Variants in ALG11 observed in about 807,000 individuals in gnomAD.
ALG11 encodes the protein ALG11 alpha-1,2-mannosyltransferase.
ALG11 carries 26 observed loss-of-function variants against 38.8 expected under a neutral mutation model. The ratio of observed to expected loss-of-function variants is 0.67; its 90% CI spans 0.49 to 0.93. The LOEUF is 0.93. ALG11 is among the 40% of genes least tolerant of loss of function. The pLI is 0.00. For missense variants in ALG11, 535 were observed against 578.8 expected, an observed-to-expected ratio of 0.92 and a Z score of 0.78; for synonymous variants, 199 against 211.6, an observed-to-expected ratio of 0.94 and a Z score of 0.52.
At chr13:52,016,423 A>C (rs966553782) in intron 1 of ALG11, 1 of 152,248 alleles carries the variant, frequency 6.6e-6, no homozygotes, top group Non-Finnish European at 1.5e-5. Flanking sequence ...GTCTCCAGGC[A>C]ATGTCGGAGA....
Position 52,031,032 on chromosome 13 carries a change from G to A in ALG11, c.*2442G>A, listed in dbSNP as rs1254069784. ...GATGTGGGCTACCAGTCTTCCTCAA[G>A]GTCAGACCTGCCTGTCATACAGAGG... On this transcript the variant is annotated 3_prime_UTR_variant, in exon 4 of 4. Coordinates refer to ENST00000521508, the MANE Select transcript of ALG11 (RefSeq NM_001004127.3). 1.2e-6 allele frequency: 2 copies of A among 1,614,140 alleles called. No individual in the cohort carries two copies. The highest frequency in any genetic ancestry group is 1.7e-5 in the Admixed American group (1 of 60,020).
chr13:52,014,084 A>G (rs1954114747), intron 1 of ALG11, among the ~76,000 whole-genome samples: 1 of 152,220 alleles, frequency 6.6e-6, no homozygotes, highest in Admixed American at 6.5e-5. Context: ...AAAGTTAAAT[A>G]TATTTTAAAC....
Position 52,028,751 on chromosome 13 carries a change from T to C in ALG11, c.*161T>C. 3.1e-6 allele frequency: 5 copies of C among 1,612,500 alleles called. No homozygotes were observed. The highest frequency in any genetic ancestry group is 4.2e-6 in the Non-Finnish European group (5 of 1,178,742). On this transcript the variant is annotated 3_prime_UTR_variant, in exon 4 of 4. Coordinates refer to ENST00000521508, the MANE Select transcript of ALG11 (RefSeq NM_001004127.3). ...AAGGAAGTGTTGAAAAGAAAATGGA[T>C]GACTAGCCTTCGGCTTCCATTCTTG... is the stretch of plus-strand genomic sequence containing the variant.
At chr13:52,014,484 T>C (rs543363996) in intron 1 of ALG11, among the ~76,000 whole-genome samples, 1 of 152,340 alleles carries the variant, frequency 6.6e-6, no homozygotes, top group African/African-American at 2.4e-5. Flanking sequence ...GGGGTGATTT[T>C]TGCCCTTCGC....
chr13:52,029,003 A>G lies in ALG11; in HGVS notation c.*413A>G. 6.2e-7 allele frequency: 1 copy of G among 1,614,270 alleles called. No homozygotes were observed. Among genetic ancestry groups the G allele is most frequent in the Admixed American group, 1.7e-5 (1 of 60,034 alleles). ...GAAATTGGCTGAGAGGTCTGAGGCT[A>G]GTCTGAAAGTGTCAGAGTTCAGTGT... is the stretch of plus-strand genomic sequence containing the variant. On this transcript the variant is annotated 3_prime_UTR_variant, in exon 4 of 4. Coordinates refer to ENST00000521508, the MANE Select transcript of ALG11 (RefSeq NM_001004127.3).
intron 1 of ALG11, among the ~76,000 whole-genome samples, chr13:52,018,625 T>C (rs1954155601): frequency 6.6e-6 from 1 of 152,196 alleles, no homozygotes; most frequent in Admixed American, 6.5e-5. Context: ...ATAACATATA[T>C]ACTAAGTCAG....
Position 52,028,654 on chromosome 13 carries a change from T to G in ALG11, c.*64T>G. ...GGTTAAACACCTTCATATGTAAATA[T>G]TTTTCTAAATTCAATCTCATTTGTC... On this transcript the variant is annotated 3_prime_UTR_variant, in exon 4 of 4. Transcript: ENST00000521508. 4 of 1,562,584 alleles carry G rather than the reference T, an allele frequency of 2.6e-6. No individual in the cohort carries two copies. In the South Asian group the frequency reaches 4.5e-5, roughly 18 times the overall value.
chr13:52,021,786 G>GTCGGGCA (rs1206920165), intron 2 of ALG11: 1 of 152,390 alleles, frequency 6.6e-6, no homozygotes, highest in Non-Finnish European at 1.5e-5. Flanking sequence ...GCTGGGGGCT[G>GTCGGGCA]TCGGGCATCT....
At position 52,028,978 on chromosome 13, in the gene ALG11, GA is replaced by G; in HGVS notation, c.*391del. The G allele has an allele frequency of 6.2e-7, 1 of 1,614,258 alleles. No individual in the cohort carries two copies. Among genetic ancestry groups the G allele is most frequent in the Non-Finnish European group, 8.5e-7 (1 of 1,180,046 alleles). The stretch of plus-strand genomic sequence containing the variant: ...TTTCCCTTGATGGAAAGAATAGGCG[GA>G]AATTGGCTGAGAGGTCTGAGGCTAG... On this transcript the variant is annotated 3_prime_UTR_variant, in exon 4 of 4. Coordinates refer to ENST00000521508, the MANE Select transcript of ALG11 (RefSeq NM_001004127.3).
chr13:52,020,015 T>A, intron 2 of ALG11, among the ~76,000 whole-genome samples: 1 of 152,126 alleles, frequency 6.6e-6, no homozygotes, highest in East Asian at 1.9e-4. Flanking sequence ...GAATAACTGG[T>A]CCCCTTGGGA....
intron 3 of ALG11, among the ~76,000 whole-genome samples, chr13:52,026,293 C>T (rs1593904500): frequency 6.6e-6 from 1 of 152,254 alleles, no homozygotes; most frequent in Non-Finnish European, 1.5e-5. Context: ...ACAGGAGTGA[C>T]AACAGATGCA....
Position 52,017,867 on chromosome 13 carries a change from G to T in ALG11, c.45-1046G>T, listed in dbSNP as rs1338195043. 2.0e-5 allele frequency among the ~76,000 whole-genome samples: 3 copies of T among 152,104 alleles called. No individual in the cohort carries two copies. The East Asian group carries it at 5.8e-4, about 29-fold the overall frequency. On this transcript the variant is annotated intron_variant, in intron 1 of 3. Transcript: ENST00000521508. ...ATGTAAATACAGCCTGCATACCTGT[G>T]TCCATCATCAACCACCATCCCAACA...
chr13:52,023,750 T>C (rs1196328655), intron 2 of ALG11: 2 of 228,830 alleles, frequency 8.7e-6, no homozygotes, highest in African/African-American at 2.2e-5. Flanking sequence ...AGGAGTGCAG[T>C]GATGCAGTCT....
Position 52,032,035 on chromosome 13 carries a change from CATG to C in ALG11, c.*3446_*3448del, listed in dbSNP as rs1954311376. ...CAGCAGTTGAGACCAGCCTGAACAA[CATG>C]GTGAAACCCTGTCTGTACTAAAAAT... is the stretch of plus-strand genomic sequence containing the variant. On this transcript the variant is annotated 3_prime_UTR_variant, in exon 4 of 4. Coordinates refer to ENST00000521508, the MANE Select transcript of ALG11 (RefSeq NM_001004127.3). The C allele has an allele frequency of 6.4e-6, 1 of 155,642 alleles. No homozygotes were observed. Among genetic ancestry groups the C allele is most frequent in the Non-Finnish European group, 1.5e-5 (1 of 68,062 alleles). The allele number at this position is 155,642 out of a possible 1,614,324, so 9.6% of individuals were successfully genotyped here.
At position 52,033,014 on chromosome 13, in the gene ALG11, T is replaced by G. The variant is rs1954320195; in HGVS notation, c.*4424T>G. 6.0e-6 allele frequency: 1 copy of G among 167,092 alleles called. No homozygotes were observed. Among genetic ancestry groups the G allele is most frequent in the Non-Finnish European group, 1.5e-5 (1 of 68,118 alleles). 10.4% of individuals were successfully genotyped at this position (167,092 alleles called of 1,614,324 possible). A position where few individuals can be genotyped will look rare whatever the true frequency, so the allele number is the denominator to read the frequency against. ...GAGGATGTAGTGAAGGAAGAAAAAG[T>G]TTTCTGGAATTCCGTAAATTATATT... On this transcript the variant is annotated 3_prime_UTR_variant, in exon 4 of 4. Transcript: ENST00000521508.
At chr13:52,012,893 A>G (rs903580751) in intron 1 of ALG11, among the ~76,000 whole-genome samples, 2 of 152,198 alleles carry the variant, frequency 1.3e-5, no homozygotes, top group East Asian at 3.8e-4. Flanking sequence ...TAAACTCACC[A>G]AAACTGCCAT....
chr13:52,029,029 C>A lies in ALG11; in HGVS notation c.*439C>A. On this transcript the variant is annotated 3_prime_UTR_variant, in exon 4 of 4. Transcript: ENST00000521508. The stretch of plus-strand genomic sequence containing the variant: ...GTCTGAAAGTGTCAGAGTTCAGTGT[C>A]AGTTCTGAAGGATCAGGAGAAAAGC... 2 of 1,614,246 alleles carry A rather than the reference C, an allele frequency of 1.2e-6. No individual in the cohort carries two copies. The highest frequency in any genetic ancestry group is 1.7e-6 in the Non-Finnish European group (2 of 1,180,050).
rs41292796 is a variant in ALG11 at position 52,030,197 on chromosome 13, T to C, written c.*1607T>C. 7.1e-4 allele frequency: 1,140 copies of C among 1,613,828 alleles called. No individual in the cohort carries two copies. The highest frequency in any genetic ancestry group is 9.0e-4 in the Non-Finnish European group (1,064 of 1,180,002). On this transcript the variant is annotated 3_prime_UTR_variant, in exon 4 of 4. Coordinates refer to ENST00000521508, the MANE Select transcript of ALG11 (RefSeq NM_001004127.3). ...CGAATTGAGGGCACTATCTCAGAAATTGAAGGAAAAACATCAGTCCAGGAA... is the reference window on the plus strand; with the variant it reads ...CGAATTGAGGGCACTATCTCAGAAACTGAAGGAAAAACATCAGTCCAGGAA...
Position 52,030,188 on chromosome 13 carries a change from T to A in ALG11, c.*1598T>A. ...GGTGCTGTCCGAATTGAGGGCACTATCTCAGAAATTGAAGGAAAAACATCA... is the reference window on the plus strand; with the variant it reads ...GGTGCTGTCCGAATTGAGGGCACTAACTCAGAAATTGAAGGAAAAACATCA... On this transcript the variant is annotated 3_prime_UTR_variant, in exon 4 of 4. Transcript: ENST00000521508. 6.2e-7 allele frequency: 1 copy of A among 1,614,124 alleles called. No homozygotes were observed. The highest frequency in any genetic ancestry group is 8.5e-7 in the Non-Finnish European group (1 of 1,180,032).
Sources: gnomAD v4.1 joint callset for allele counts (sites outside exome capture counted in the v4.1 genomes callset) on GRCh38, gnomAD v4.1.1 for gene constraint, MANE v1.5 for transcripts, NCBI Gene and HGNC (gene_info 2026-07-23, HGNC 2026-07-21) for gene names.